SCAMP2: variants seen among roughly 807,000 people sequenced by gnomAD.
SCAMP2 encodes secretory carrier-associated membrane protein 2.
SCAMP2 carries 25 observed loss-of-function variants against 44.1 expected under a neutral mutation model. That is an observed-to-expected ratio of 0.57 (90% CI 0.41 to 0.79). The LOEUF is 0.79. Ranked by LOEUF, SCAMP2 falls within the 30% of genes least tolerant of loss-of-function variation. SCAMP2 has a pLI of 0.00. For synonymous variants in SCAMP2, 156 were observed against 166.0 expected (o/e 0.94, Z 0.46); for missense variants, 355 against 411.0 (o/e 0.86, Z 1.18).
chr15:74,855,189 C>T (rs1273180448), intron 1 of SCAMP2, among the ~76,000 whole-genome samples: 1 of 151,950 alleles, frequency 6.6e-6, no homozygotes, highest in Non-Finnish European at 1.5e-5. Context: ...CTGCAACCTT[C>T]GCCTCCTGGG....
intron 1 of SCAMP2, among the ~76,000 whole-genome samples, chr15:74,865,753 A>C (rs2064537881): frequency 7.4e-6 from 1 of 134,458 alleles, no homozygotes; most frequent in African/African-American, 2.8e-5. Flanking sequence ...GTTCGAGACT[A>C]GCCTGGGCAA....
chr15:74,853,655 T>C (rs2064449957), intron 3 of SCAMP2: 1 of 374,820 alleles, frequency 2.7e-6, no homozygotes, highest in African/African-American at 2.1e-5. Flanking sequence ...AGGTGAGAAT[T>C]AATGAAGTTA....
At chr15:74,865,378 C>G (rs2064535413) in intron 1 of SCAMP2, among the ~76,000 whole-genome samples, 1 of 99,990 alleles carries the variant, frequency 1.0e-5, no homozygotes, top group Admixed American at 1.2e-4. Context: ...AAGACTTTGT[C>G]TCAAAAAAAA....
chr15:74,848,518 T>C, intron 7 of SCAMP2, 82 bp downstream of exon 7: 1 of 895,490 alleles, frequency 1.1e-6, no homozygotes, highest in Non-Finnish European at 1.8e-6. Flanking sequence ...CTGGCGGGGC[T>C]CTGTGGGAGC....
intron 7 of SCAMP2, 50 bp from the exon 8 acceptor site, chr15:74,845,643 A>G: frequency 1.9e-6 from 3 of 1,608,906 alleles, no homozygotes; most frequent in Non-Finnish European, 2.5e-6. Context: ...GTGGGCTCCA[A>G]AAGTCAGCAT....
intron 1 of SCAMP2, among the ~76,000 whole-genome samples, chr15:74,872,139 G>T (rs1018376955): frequency 6.6e-6 from 1 of 151,962 alleles, no homozygotes; most frequent in Non-Finnish European, 1.5e-5. Context: ...CAGGCCAGGC[G>T]TGGTGGCTCA....
rs957936922 is a variant in SCAMP2, at chr15:74,845,010, A to T, written c.*73T>A. Reference sequence around the variant, plus strand: ...CTGTGCTGGGCACAACCACCACCACATAAGGCACCCACGGAAAGTGCAGCT... The same window carrying T: ...CTGTGCTGGGCACAACCACCACCACTTAAGGCACCCACGGAAAGTGCAGCT... On this transcript the variant is annotated 3_prime_UTR_variant, in exon 9 of 9. Coordinates refer to ENST00000268099, the MANE Select transcript of SCAMP2 (RefSeq NM_005697.5). 1 of 1,540,930 alleles carries T rather than the reference A, an allele frequency of 6.5e-7. No homozygotes were observed. The highest frequency in any genetic ancestry group is 2.3e-5 in the East Asian group (1 of 44,178).
At position 74,862,280 on chromosome 15, in the gene SCAMP2, AAAAAAAAAAT is replaced by A. The variant is rs1439832216; in HGVS notation, c.58-7641_58-7632del. 3.1e-4 allele frequency among the ~76,000 whole-genome samples: 39 copies of A among 123,876 alleles called. 6 individuals carry two copies. Among genetic ancestry groups the A allele is most frequent in the South Asian group, 3.1e-3 (13 of 4,130 alleles). The allele number at this position is 123,876 out of a possible 152,430, so 81.3% of individuals were successfully genotyped here. A position where few individuals can be genotyped will look rare whatever the true frequency, so the allele number is the denominator to read the frequency against. ...TCTGTCTCCAAAAAAAAAAAAAAAAAAAAAAAAAATTCCTGGCCAGGTGCAATGGCTCACA... is the reference window on the plus strand; with the variant it reads ...TCTGTCTCCAAAAAAAAAAAAAAAAATCCTGGCCAGGTGCAATGGCTCACA... On this transcript the variant is annotated intron_variant, in intron 1 of 8. Coordinates refer to ENST00000268099, the MANE Select transcript of SCAMP2 (RefSeq NM_005697.5).
intron 1 of SCAMP2, among the ~76,000 whole-genome samples, chr15:74,862,225 T>TGCACTCCA (rs1198310913): frequency 1.6e-5 from 2 of 127,326 alleles, no homozygotes; most frequent in Non-Finnish European, 3.1e-5. Context: ...ATCACATCAC[T>TGCACTCCA]GCACTCCAGC....
intron 1 of SCAMP2, among the ~76,000 whole-genome samples, chr15:74,857,076 C>T (rs960000845): frequency 3.3e-5 from 5 of 152,200 alleles, no homozygotes; most frequent in Non-Finnish European, 7.3e-5. Context: ...GGTTTTATCA[C>T]AGATACTTCC....
At chr15:74,846,423 G>A (rs2064399269) in intron 7 of SCAMP2, among the ~76,000 whole-genome samples, 1 of 146,222 alleles carries the variant, frequency 6.8e-6, no homozygotes, top group African/African-American at 2.6e-5. Context: ...TCCAGCCTGA[G>A]CAACAGAGTG....
At position 74,851,358 on chromosome 15, in the gene SCAMP2, C is replaced by T; in HGVS notation, c.467G>A (p.Trp156Ter). 1 of 1,613,862 alleles carries T rather than the reference C, an allele frequency of 6.2e-7. No homozygotes were observed. The highest frequency in any genetic ancestry group is 8.5e-7 in the Non-Finnish European group (1 of 1,179,844). Residue 156 changes from tryptophan (W) to a stop codon, truncating the protein, a stop_gained, in exon 5 of 9, where the codon TGG becomes TAG. Transcript: ENST00000268099. LOFTEE classifies it high-confidence loss of function. ...QRICKMLYYL[W>*]MLHSVTLFLN... ...AAGGCAGGAGTGGGACTCACACATC[C>T]ACAGATAGTAGAGCATCTTGCATAT...
intron 1 of SCAMP2, among the ~76,000 whole-genome samples, chr15:74,863,390 G>A (rs1437917261): frequency 1.3e-5 from 2 of 151,034 alleles, no homozygotes; most frequent in African/African-American, 4.9e-5. Context: ...GGGTACCTGT[G>A]GTCCCAGCTA....
chr15:74,871,896 T>C (rs1234635779), intron 1 of SCAMP2, among the ~76,000 whole-genome samples: 2 of 147,704 alleles, frequency 1.4e-5, no homozygotes, highest in African/African-American at 5.0e-5. Context: ...AATACAAAAA[T>C]TAGCCGGGTG....
rs1029598558 is a variant in SCAMP2, at chr15:74,865,631, G to C, written c.57+7568C>G. ...GCTGAGAACTAGAGATCTAGATCTG[G>C]GATCGCTGAAATGTGGATGCTATTC... On this transcript the variant is annotated intron_variant, in intron 1 of 8. Transcript: ENST00000268099. Among the ~76,000 whole-genome samples, 3 of 151,586 alleles carry C rather than the reference G, an allele frequency of 2.0e-5. No homozygotes were observed. The South Asian group carries it at 6.3e-4, about 32-fold the overall frequency.
At chr15:74,853,478 T>C (rs775546205) in intron 3 of SCAMP2, 4 of 456,362 alleles carry the variant, frequency 8.8e-6, no homozygotes, top group African/African-American at 2.0e-5. Flanking sequence ...GGGAACTTGC[T>C]GGCCTGTCTA....
intron 1 of SCAMP2, among the ~76,000 whole-genome samples, chr15:74,867,898 T>C (rs972972835): frequency 6.6e-6 from 1 of 152,242 alleles, no homozygotes; most frequent in Admixed American, 6.5e-5. Flanking sequence ...CCTGGGATAA[T>C]CTGGCAGAAG....
intron 3 of SCAMP2, chr15:74,852,417 T>C: frequency 2.6e-6 from 1 of 380,190 alleles, no homozygotes; most frequent in Non-Finnish European, 4.7e-6. Flanking sequence ...GACTAAGCTG[T>C]CCTCTCCCCT....
At chr15:74,854,546 GC>G in intron 2 of SCAMP2, 34 bp downstream of exon 2, 2 of 1,550,380 alleles carry the variant, frequency 1.3e-6, no homozygotes, top group Non-Finnish European at 1.8e-6. Flanking sequence ...ACCCTAGAGG[GC>G]CATGGGACTT....
Sources: gnomAD v4.1 joint callset for allele counts (sites outside exome capture counted in the v4.1 genomes callset) on GRCh38, gnomAD v4.1.1 for gene constraint, MANE v1.5 for transcripts, NCBI Gene and HGNC (gene_info 2026-07-23, HGNC 2026-07-21) for gene names.